LRP1B: variants seen among roughly 807,000 people sequenced by gnomAD.
LRP1B encodes the protein LDL receptor related protein 1B.
LRP1B carries 217 observed loss-of-function variants against 556.6 expected under a neutral mutation model. That is an observed-to-expected ratio of 0.39 (90% CI 0.35 to 0.44). LRP1B has a LOEUF of 0.44. LRP1B is among the 20% of genes least tolerant of loss of function. The probability of loss-of-function intolerance (pLI) is 1.00; values close to 1 mark genes in which losing one functional copy is unlikely to be tolerated. For synonymous variants in LRP1B, 2,047 were observed against 1,865.8 expected, an observed-to-expected ratio of 1.10 and a Z score of -2.50; for missense variants, 5,053 against 5,620.8, an observed-to-expected ratio of 0.90 and a Z score of 3.23.
At chr2:141,055,902 G>A (rs561351281) in intron 9 of LRP1B, among the ~76,000 whole-genome samples, 6 of 150,850 alleles carry the variant, frequency 4.0e-5, no homozygotes, top group African/African-American at 1.5e-4. Flanking sequence ...TATTTTGTGA[G>A]CATAAAAGCT....
intron 2 of LRP1B, among the ~76,000 whole-genome samples, chr2:141,568,026 T>C (rs1209124176): frequency 6.6e-6 from 1 of 150,728 alleles, no homozygotes; most frequent in Admixed American, 6.6e-5. Flanking sequence ...TCAACAAACA[T>C]TTACTAAAAG....
intron 2 of LRP1B, among the ~76,000 whole-genome samples, chr2:141,591,730 G>A (rs1228331806): frequency 6.6e-6 from 1 of 151,950 alleles, no homozygotes; most frequent in South Asian, 2.1e-4. Flanking sequence ...AATTTTAAAG[G>A]TGGACCATGG....
intron 3 of LRP1B, among the ~76,000 whole-genome samples, chr2:141,300,697 G>A (rs555393645): frequency 4.1e-4 from 63 of 152,100 alleles, no homozygotes; most frequent in Non-Finnish European, 6.9e-4. Context: ...CTCTTGCTCT[G>A]GCTGTGTAGG....
At chr2:141,961,205 T>A (rs1338262280) in intron 1 of LRP1B, among the ~76,000 whole-genome samples, 1 of 151,530 alleles carries the variant, frequency 6.6e-6, no homozygotes, top group Non-Finnish European at 1.5e-5. Context: ...TTTTTCAGAG[T>A]CATTGCAACA....
At chr2:140,885,288 A>T (rs578093465) in intron 24 of LRP1B, among the ~76,000 whole-genome samples, 31 of 152,130 alleles carry the variant, frequency 2.0e-4, no homozygotes, top group Non-Finnish European at 3.7e-4. Context: ...TGACAGAGAT[A>T]CCTTGTCCTT....
intron 7 of LRP1B, among the ~76,000 whole-genome samples, chr2:141,099,739 T>C (rs1700412665): frequency 6.6e-6 from 1 of 152,180 alleles, no homozygotes; most frequent in Non-Finnish European, 1.5e-5. Flanking sequence ...CTGGAAACTA[T>C]TCCACATGTG....
At chr2:141,362,958 T>G (rs1316328239) in intron 3 of LRP1B, among the ~76,000 whole-genome samples, 1 of 152,200 alleles carries the variant, frequency 6.6e-6, no homozygotes, top group East Asian at 1.9e-4. Flanking sequence ...CACCTGCAGC[T>G]TAATCTTCCT....
rs150706413 is a variant in LRP1B, at chr2:141,461,237, C to T, written c.343+19159G>A. Among the ~76,000 whole-genome samples, 784 of 151,994 alleles carry T rather than the reference C, an allele frequency of 5.2e-3. 8 individuals carry two copies. Among genetic ancestry groups the T allele is most frequent in the African/African-American group, 0.018 (743 of 41,444 alleles). On this transcript the variant is annotated intron_variant, in intron 3 of 90. Transcript: ENST00000389484. ...AAACCAAGAGACTGTGGTGGTTTCC[C>T]GAAAGGCAAGTGAAGGAGGAGGAAC... is the stretch of plus-strand genomic sequence containing the variant.
chr2:141,213,641 T>C (rs1318838044), intron 6 of LRP1B, among the ~76,000 whole-genome samples: 3 of 152,224 alleles, frequency 2.0e-5, no homozygotes, highest in Admixed American at 1.3e-4. Flanking sequence ...AACACTATAA[T>C]GAAACATTGT....
At chr2:141,566,276 G>C (rs80155374) in intron 2 of LRP1B, among the ~76,000 whole-genome samples, 3,322 of 151,974 alleles carry the variant, frequency 0.022, 122 homozygotes, top group African/African-American at 0.074. Flanking sequence ...ACAAACCCAA[G>C]CTGTCAAAGA....
chr2:141,794,947 G>GTCCATCAGTATT (rs1324826180), intron 2 of LRP1B, among the ~76,000 whole-genome samples: 1 of 151,980 alleles, frequency 6.6e-6, no homozygotes, highest in East Asian at 1.9e-4. Flanking sequence ...TCTCTTTAAG[G>GTCCATCAGTATT]TCCATCAGTA....
chr2:141,919,245 A>C (rs1224514041), intron 1 of LRP1B, among the ~76,000 whole-genome samples: 1 of 152,078 alleles, frequency 6.6e-6, no homozygotes, highest in Non-Finnish European at 1.5e-5. Flanking sequence ...CAAGCATGAA[A>C]TTGCTTAAAC....
At chr2:141,430,731 T>C (rs1431273577) in intron 3 of LRP1B, among the ~76,000 whole-genome samples, 1 of 152,186 alleles carries the variant, frequency 6.6e-6, no homozygotes, top group Non-Finnish European at 1.5e-5. Context: ...ATTAAAGCTA[T>C]TCCCTAAAAA....
intron 5 of LRP1B, 93 bp downstream of exon 5, chr2:141,247,133 A>G (rs555244267): frequency 3.5e-6 from 5 of 1,419,232 alleles, no homozygotes; most frequent in Admixed American, 1.8e-5. Flanking sequence ...TTCAAAGTCC[A>G]TATTTCTGCT....
chr2:142,091,324 T>C (rs1706166349), intron 1 of LRP1B, among the ~76,000 whole-genome samples: 1 of 152,146 alleles, frequency 6.6e-6, no homozygotes, highest in African/African-American at 2.4e-5. Flanking sequence ...TGTGATGTGA[T>C]AGGTGCTGTT....
At chr2:141,970,208 A>AT (rs1176296294) in intron 1 of LRP1B, among the ~76,000 whole-genome samples, 1 of 151,326 alleles carries the variant, frequency 6.6e-6, no homozygotes, top group Non-Finnish European at 1.5e-5. Flanking sequence ...GCTTGCAAAT[A>AT]TTTTTTCCCT....
At chr2:141,408,543 C>CA (rs1339926887) in intron 3 of LRP1B, among the ~76,000 whole-genome samples, 3 of 151,366 alleles carry the variant, frequency 2.0e-5, no homozygotes, top group East Asian at 1.9e-4. Flanking sequence ...CCTTATTTAG[C>CA]AAAAAAACTA....
intron 2 of LRP1B, among the ~76,000 whole-genome samples, chr2:141,539,921 G>A (rs985418364): frequency 1.3e-5 from 2 of 151,992 alleles, no homozygotes; most frequent in Non-Finnish European, 2.9e-5. Flanking sequence ...AGTTTTCCAC[G>A]TCCTAGGTTA....
At chr2:140,707,773 A>C (rs748410252) in intron 37 of LRP1B, among the ~76,000 whole-genome samples, 6 of 152,118 alleles carry the variant, frequency 3.9e-5, no homozygotes, top group Non-Finnish European at 5.9e-5. Context: ...AAAGTATTAC[A>C]GGCCTATCCC....
Sources: gnomAD v4.1 joint callset for allele counts (sites outside exome capture counted in the v4.1 genomes callset) on GRCh38, gnomAD v4.1.1 for gene constraint, MANE v1.5 for transcripts, NCBI Gene and HGNC (gene_info 2026-07-23, HGNC 2026-07-21) for gene names.